Variants in DTNA observed in about 807,000 individuals in gnomAD.
DTNA encodes dystrobrevin alpha.
Under a neutral mutation model 100.7 loss-of-function variants are expected in DTNA, and 43 were observed. The ratio of observed to expected loss-of-function variants is 0.43; its 90% confidence interval spans 0.33 to 0.55. DTNA has a LOEUF of 0.55. DTNA is among the 20% of genes least tolerant of loss of function. The pLI is 0.04. For synonymous variants in DTNA, 349 were observed against 347.9 expected, an observed-to-expected ratio of 1.00 and a Z score of -0.04; for missense variants, 798 against 953.9, an observed-to-expected ratio of 0.84 and a Z score of 2.15.
At chr18:34,880,037 C>G (rs1421218136) in intron 20 of DTNA, among the ~76,000 whole-genome samples, 1 of 152,138 alleles carries the variant, frequency 6.6e-6, no homozygotes, top group Non-Finnish European at 1.5e-5. Flanking sequence ...GACTCACAGA[C>G]TAGTTCAGGA....
chr18:34,753,345 A>AT (rs2092477603), intron 1 of DTNA, among the ~76,000 whole-genome samples: 1 of 8,800 alleles, frequency 1.1e-4, no homozygotes, highest in Non-Finnish European at 1.9e-4. Context: ...TGATTTATTT[A>AT]TTTATTTATT....
intron 1 of DTNA, among the ~76,000 whole-genome samples, chr18:34,714,929 T>C (rs1013470297): frequency 2.0e-5 from 3 of 151,742 alleles, no homozygotes; most frequent in Admixed American, 6.6e-5. Flanking sequence ...AAACTGGAAA[T>C]CATCACTCTC....
At chr18:34,593,652 G>C (rs1397245247) in intron 1 of DTNA, 1 of 152,156 alleles carries the variant, frequency 6.6e-6, no homozygotes, top group Non-Finnish European at 1.5e-5. Flanking sequence ...GTTGTAGCTT[G>C]CTTACCTTTC....
At chr18:34,616,450 AAAC>A (rs2055299914) in intron 1 of DTNA, among the ~76,000 whole-genome samples, 2 of 152,206 alleles carry the variant, frequency 1.3e-5, no homozygotes, top group Non-Finnish European at 2.9e-5. Flanking sequence ...CAATATTTGC[AAAC>A]TATGCATATG....
intron 1 of DTNA, among the ~76,000 whole-genome samples, chr18:34,592,511 G>A (rs1329569606): frequency 8.4e-6 from 1 of 119,218 alleles, no homozygotes; most frequent in African/African-American, 3.8e-5. Flanking sequence ...CACACATTTT[G>A]TTTTCCAGTC....
At chr18:34,886,632 A>G (rs561083953) in intron 22 of DTNA, among the ~76,000 whole-genome samples, 1 of 152,348 alleles carries the variant, frequency 6.6e-6, no homozygotes, top group Admixed American at 6.5e-5. Context: ...AAATTTCAGT[A>G]CTCTAGAAGT....
intron 1 of DTNA, among the ~76,000 whole-genome samples, chr18:34,728,023 T>G (rs1449032927): frequency 6.6e-6 from 1 of 152,196 alleles, no homozygotes; most frequent in African/African-American, 2.4e-5. Flanking sequence ...GGTAATAGAT[T>G]AATTTTCCTA....
chr18:34,572,462 G>T (rs1175505216), intron 1 of DTNA, among the ~76,000 whole-genome samples: 2 of 152,074 alleles, frequency 1.3e-5, no homozygotes, highest in Non-Finnish European at 2.9e-5. Flanking sequence ...CAGCTACTGG[G>T]TGAGGCCAAT....
At chr18:34,559,424 C>T (rs558549511) in intron 1 of DTNA, among the ~76,000 whole-genome samples, 1 of 152,178 alleles carries the variant, frequency 6.6e-6, no homozygotes, top group Non-Finnish European at 1.5e-5. Context: ...TTTTTTATTT[C>T]TTAATTGAAA....
intron 1 of DTNA, among the ~76,000 whole-genome samples, chr18:34,746,708 C>A (rs2091640601): frequency 6.6e-6 from 1 of 152,144 alleles, no homozygotes; most frequent in South Asian, 2.1e-4. Flanking sequence ...CTGAGACACT[C>A]TAATAACTTT....
intron 17 of DTNA, among the ~76,000 whole-genome samples, chr18:34,871,832 C>G (rs2096768729): frequency 6.6e-6 from 1 of 152,200 alleles, no homozygotes; most frequent in Non-Finnish European, 1.5e-5. Flanking sequence ...CCGTGATCAC[C>G]CAGGGTGTCA....
chr18:34,522,375 A>G (rs888360675), intron 1 of DTNA, among the ~76,000 whole-genome samples: 2 of 152,156 alleles, frequency 1.3e-5, no homozygotes, highest in African/African-American at 4.8e-5. Flanking sequence ...GAGTACACGT[A>G]TTGTCTCTTC....
At chr18:34,880,923 G>C (rs553550267) in intron 20 of DTNA, among the ~76,000 whole-genome samples, 7 of 152,228 alleles carry the variant, frequency 4.6e-5, no homozygotes, top group African/African-American at 1.7e-4. Context: ...ATATCTATTT[G>C]ACTTTTTATT....
chr18:34,854,224 A>T (rs1179513749), intron 15 of DTNA, among the ~76,000 whole-genome samples: 4 of 152,222 alleles, frequency 2.6e-5, no homozygotes. Flanking sequence ...TCATGGCAAG[A>T]AAAAGAAGCA....
At chr18:34,746,070 G>A (rs1028653393) in intron 1 of DTNA, among the ~76,000 whole-genome samples, 1 of 151,714 alleles carries the variant, frequency 6.6e-6, no homozygotes, top group Non-Finnish European at 1.5e-5. Flanking sequence ...TTTTATAAAT[G>A]TTTATGCATA....
chr18:34,613,727 G>A (rs1274331855), intron 1 of DTNA, among the ~76,000 whole-genome samples: 4 of 152,222 alleles, frequency 2.6e-5, no homozygotes, highest in African/African-American at 9.6e-5. Context: ...CAGAAGAAGA[G>A]TTGGAAGCTA....
At chr18:34,762,635 A>T (rs555742216) in intron 2 of DTNA, among the ~76,000 whole-genome samples, 1 of 152,334 alleles carries the variant, frequency 6.6e-6, no homozygotes, top group East Asian at 1.9e-4. Context: ...TATGTATCAT[A>T]TCTCAGCCCA....
intron 3 of DTNA, among the ~76,000 whole-genome samples, chr18:34,783,663 G>T (rs1443178964): frequency 1.3e-5 from 2 of 152,174 alleles, no homozygotes; most frequent in African/African-American, 4.8e-5. Flanking sequence ...CAAATCTGAA[G>T]ATTGTGCCTT....
chr18:34,817,516 A>G (rs997749109), intron 7 of DTNA, among the ~76,000 whole-genome samples: 1 of 152,070 alleles, frequency 6.6e-6, no homozygotes. Flanking sequence ...CATTTGAATT[A>G]TTTAGAACTG....
Sources: allele counts gnomAD v4.1 joint callset (sites outside exome capture counted in the v4.1 genomes callset), GRCh38; gene constraint gnomAD v4.1.1; transcripts MANE v1.5; gene names NCBI Gene and HGNC (gene_info 2026-07-23, HGNC 2026-07-21).